Variants in ANXA13 observed in about 807,000 individuals in gnomAD.
The protein encoded by ANXA13 is annexin A13.
Under a neutral mutation model 46.6 loss-of-function variants are expected in ANXA13, and 36 were observed. That is an observed-to-expected ratio of 0.77 (90% CI 0.59 to 1.02). ANXA13 has a LOEUF of 1.02. ANXA13 is among the 50% of genes least tolerant of loss of function. The pLI is 0.00. For synonymous variants in ANXA13, 163 were observed against 152.9 expected, an observed-to-expected ratio of 1.07 and a Z score of -0.49; for missense variants, 417 against 396.5, an observed-to-expected ratio of 1.05 and a Z score of -0.44.
chr8:123,719,294 C>G (rs1427290988), intron 1 of ANXA13, among the ~76,000 whole-genome samples: 1 of 152,136 alleles, frequency 6.6e-6, no homozygotes, highest in African/African-American at 2.4e-5. Context: ...GCAAATTAGA[C>G]TCTGAATTAT....
chr8:123,683,138 C>A (rs1340039962), intron 10 of ANXA13, among the ~76,000 whole-genome samples: 1 of 151,606 alleles, frequency 6.6e-6, no homozygotes, highest in African/African-American at 2.4e-5. Flanking sequence ...GGATTTGGAG[C>A]CATGGAGGAG....
intron 3 of ANXA13, among the ~76,000 whole-genome samples, chr8:123,699,163 A>G (rs1217587723): frequency 6.6e-6 from 1 of 152,136 alleles, no homozygotes; most frequent in East Asian, 1.9e-4. Context: ...GGGGAAGTAC[A>G]TGGAATTCTT....
rs370025211 is a variant in ANXA13 at position 123,707,133 on chromosome 8, GATGACTTGCTGA to G, written c.92-4409_92-4398del. Among the ~76,000 whole-genome samples the G allele has an allele frequency of 5.3e-5, 8 of 152,320 alleles. No homozygotes were observed. The East Asian group carries it at 1.5e-3, about 29-fold the overall frequency. ...CACAGAAGGCTGTCAGTATTTATCAGATGACTTGCTGAATGAACGGATGCTTAAACATGTGCA... is the reference window on the plus strand; with the variant it reads ...CACAGAAGGCTGTCAGTATTTATCAGATGAACGGATGCTTAAACATGTGCA... On this transcript the variant is annotated intron_variant, in intron 2 of 10. Transcript: ENST00000419625.
intron 1 of ANXA13, among the ~76,000 whole-genome samples, chr8:123,723,929 T>C (rs1813934166): frequency 6.6e-6 from 1 of 152,324 alleles, no homozygotes; most frequent in South Asian, 2.1e-4. Flanking sequence ...AGAATCTTCT[T>C]CCTTTGTATG....
At chr8:123,708,022 G>A (rs1813575801) in intron 2 of ANXA13, among the ~76,000 whole-genome samples, 1 of 152,108 alleles carries the variant, frequency 6.6e-6, no homozygotes, top group South Asian at 2.1e-4. Flanking sequence ...CAGGTCTCAG[G>A]TTGATCCGGG....
chr8:123,706,776 T>C (rs548886667), intron 2 of ANXA13, among the ~76,000 whole-genome samples: 1 of 152,332 alleles, frequency 6.6e-6, no homozygotes, highest in Non-Finnish European at 1.5e-5. Context: ...CAGGGGGGCC[T>C]ATGGGGCCTT....
At chr8:123,704,489 T>G (rs1162919948) in intron 2 of ANXA13, among the ~76,000 whole-genome samples, 1 of 151,956 alleles carries the variant, frequency 6.6e-6, no homozygotes, top group Admixed American at 6.6e-5. Context: ...CTCCACCTCC[T>G]GGGTTCAAAC....
chr8:123,733,443 G>A (rs1242654008), intron 1 of ANXA13, among the ~76,000 whole-genome samples: 1 of 152,120 alleles, frequency 6.6e-6, no homozygotes, highest in Non-Finnish European at 1.5e-5. Context: ...TTGTCATGCA[G>A]CTTTCAGATG....
intron 1 of ANXA13, among the ~76,000 whole-genome samples, chr8:123,718,619 T>TG (rs1345404442): frequency 2.0e-5 from 3 of 152,216 alleles, no homozygotes; most frequent in African/African-American, 7.2e-5. Context: ...GCACTGGTGC[T>TG]GGGGGGACTT....
chr8:123,711,407 C>A (rs960084294), intron 2 of ANXA13, among the ~76,000 whole-genome samples: 2 of 152,164 alleles, frequency 1.3e-5, no homozygotes, highest in African/African-American at 4.8e-5. Context: ...TCATGAGTGG[C>A]TTCCTTGGAT....
At chr8:123,717,119 A>AT (rs1813771343) in intron 1 of ANXA13, among the ~76,000 whole-genome samples, 1 of 152,268 alleles carries the variant, frequency 6.6e-6, no homozygotes, top group Non-Finnish European at 1.5e-5. Context: ...AATAATAATG[A>AT]TTTTGGAGGT....
At position 123,712,689 on chromosome 8, in the gene ANXA13, C is replaced by G; in HGVS notation, c.80G>C (p.Cys27Ser). ...DRDAKKLNKACKGMGTNEAAI... is the reference protein window; with the variant it reads ...DRDAKKLNKASKGMGTNEAAI... ...AATATCTCTCATACCCATTCCTTTG[C>G]AGGCTTTGTTCAGCTTTTTGGCATC... is the stretch of plus-strand genomic sequence containing the variant. The change falls in exon 2 of 11, where the codon TGC becomes TCC. Residue 27 changes from cysteine (C) to serine (S), a missense_variant. By Grantham distance (112) the Cys-to-Ser change is moderately radical. Transcript: ENST00000419625. 5.6e-6 allele frequency: 9 copies of G among 1,614,188 alleles called. No individual in the cohort carries two copies. The highest frequency in any genetic ancestry group is 7.6e-6 in the Non-Finnish European group (9 of 1,179,994).
chr8:123,698,282 C>G (rs1813379800), intron 4 of ANXA13, 107 bp downstream of exon 4: 13 of 1,251,788 alleles, frequency 1.0e-5, no homozygotes, highest in African/African-American at 1.5e-5. Flanking sequence ...CCCCAGACAC[C>G]TGCTCAGTCC....
intron 4 of ANXA13, 94 bp from the exon 5 acceptor site, chr8:123,695,815 A>G: frequency 9.1e-7 from 1 of 1,097,424 alleles, no homozygotes; most frequent in Non-Finnish European, 1.4e-6. Context: ...ATGTCTGGAC[A>G]CAAAGTGCCT....
At chr8:123,728,530 T>C (rs1299981302) in intron 1 of ANXA13, 2 of 152,116 alleles carry the variant, frequency 1.3e-5, no homozygotes, top group Non-Finnish European at 2.9e-5. Flanking sequence ...GGAAAAAAGG[T>C]AGCAAGTGTA....
intron 2 of ANXA13, among the ~76,000 whole-genome samples, chr8:123,709,104 A>G (rs1452582422): frequency 1.3e-5 from 2 of 152,200 alleles, no homozygotes; most frequent in Non-Finnish European, 2.9e-5. Context: ...GATGGAGAAC[A>G]AGGGCGCGCC....
intron 10 of ANXA13, among the ~76,000 whole-genome samples, chr8:123,682,413 T>G (rs556669109): frequency 6.6e-6 from 1 of 152,240 alleles, no homozygotes. Flanking sequence ...AGCAGAGAAC[T>G]CTTTTTAACC....
intron 1 of ANXA13, among the ~76,000 whole-genome samples, chr8:123,722,649 T>A (rs1020076170): frequency 2.6e-5 from 4 of 152,224 alleles, no homozygotes; most frequent in African/African-American, 9.6e-5. Flanking sequence ...CTGCTCCCAA[T>A]ATTCCTTCTG....
rs118049232 is a variant in ANXA13 at position 123,688,957 on chromosome 8, A to G, written c.643-11T>C. On this transcript the variant is annotated splice_polypyrimidine_tract_variant and intron_variant, in intron 8 of 10. Coordinates refer to ENST00000419625, the MANE Select transcript of ANXA13 (RefSeq NM_004306.4). ...GTCTTTGCCAATGAGCTGCAGCGAA[A>G]ACCAAAATCAACTGTTATTCCAGGT... 2.5e-6 allele frequency: 4 copies of G among 1,613,202 alleles called. No homozygotes were observed. The East Asian group carries it at 8.9e-5, about 36-fold the overall frequency.
Sources: gnomAD v4.1 joint callset for allele counts (sites outside exome capture counted in the v4.1 genomes callset) on GRCh38, gnomAD v4.1.1 for gene constraint, MANE v1.5 for transcripts, NCBI Gene and HGNC (gene_info 2026-07-23, HGNC 2026-07-21) for gene names.